MED20: variants seen among roughly 807,000 people sequenced by gnomAD.
The protein encoded by MED20 is mediator of RNA polymerase II transcription subunit 20.
In MED20, 19 loss-of-function variants were observed where a neutral mutation model predicts 19.7. The ratio of observed to expected loss-of-function variants is 0.96; its 90% CI spans 0.67 to 1.42. The LOEUF (loss-of-function observed/expected upper bound fraction) is 1.42. Among genes scored for constraint, MED20 ranks in the 40% most tolerant of loss-of-function variants. MED20 has a pLI of 0.00. For missense variants in MED20, 225 were observed against 273.0 expected (o/e 0.82, Z 1.24); for synonymous variants, 105 against 104.8 (o/e 1.00, Z -0.01).
intron 2 of MED20, among the ~76,000 whole-genome samples, chr6:41,914,508 G>C (rs1024896734): frequency 6.6e-6 from 1 of 152,200 alleles, no homozygotes; most frequent in Non-Finnish European, 1.5e-5. Flanking sequence ...GGCAAAGCCA[G>C]GACTCAGGAC....
Position 41,921,072 on chromosome 6 carries a change from G to C in MED20, c.-54C>G. 6.2e-7 allele frequency: 1 copy of C among 1,603,720 alleles called. No homozygotes were observed. The highest frequency in any genetic ancestry group is 1.7e-5 in the Admixed American group (1 of 58,408). On this transcript the variant is annotated 5_prime_UTR_variant, in exon 1 of 4. Coordinates refer to ENST00000265350, the MANE Select transcript of MED20 (RefSeq NM_004275.5). ...ACACAGTAGAAACGCAGGGTTCCCT[G>C]TCCGCCCACAGAAACTCCTTCAGTT...
intron 2 of MED20, among the ~76,000 whole-genome samples, chr6:41,910,824 T>C (rs1238238217): frequency 6.7e-6 from 1 of 149,270 alleles, no homozygotes; most frequent in Non-Finnish European, 1.5e-5. Flanking sequence ...AAGCTGACAA[T>C]CAGGCTGGGC....
intron 1 of MED20, 74 bp downstream of exon 1, chr6:41,920,931 G>C (rs912515260): frequency 1.5e-5 from 23 of 1,557,660 alleles, no homozygotes; most frequent in Non-Finnish European, 1.8e-5. Context: ...GAGGACGGCG[G>C]ACCATGGTCA....
intron 1 of MED20, chr6:41,917,881 C>CAGTGATGATG (rs1490581557): frequency 2.4e-6 from 1 of 420,548 alleles, no homozygotes; most frequent in East Asian, 7.6e-5. Flanking sequence ...TGTTAGAGAA[C>CAGTGATGATG]ATTTCCATCA....
At chr6:41,910,256 A>G (rs1232573909) in intron 2 of MED20, among the ~76,000 whole-genome samples, 1 of 152,214 alleles carries the variant, frequency 6.6e-6, no homozygotes, top group African/African-American at 2.4e-5. Flanking sequence ...TCCAGTCTCT[A>G]AAATATGAGT....
intron 2 of MED20, among the ~76,000 whole-genome samples, chr6:41,910,645 GAAAA>G (rs981891961): frequency 7.0e-6 from 1 of 142,920 alleles, no homozygotes; most frequent in Non-Finnish European, 1.6e-5. Context: ...AAAAAAAAAA[GAAAA>G]AAAAAGGTAA....
At chr6:41,918,662 A>T (rs1775378508) in intron 1 of MED20, among the ~76,000 whole-genome samples, 1 of 151,900 alleles carries the variant, frequency 6.6e-6, no homozygotes. Context: ...AAATACAAAA[A>T]AATGGCCGGG....
intron 1 of MED20, chr6:41,917,698 T>C: frequency 2.2e-6 from 1 of 461,320 alleles, no homozygotes; most frequent in South Asian, 1.6e-5. Context: ...AATTCAATAA[T>C]GCTGAGTCAT....
chr6:41,917,756 T>C (rs758910708), intron 1 of MED20: 1 of 471,084 alleles, frequency 2.1e-6, no homozygotes, highest in African/African-American at 2.0e-5. Context: ...TCTGACTACA[T>C]CAAGGGAAAA....
intron 1 of MED20, chr6:41,917,541 C>T (rs1305304133): frequency 3.3e-6 from 1 of 303,170 alleles, no homozygotes; most frequent in African/African-American, 2.2e-5. Flanking sequence ...ATTGTAAAGA[C>T]AAGGAATAGA....
chr6:41,918,585 G>A (rs1195908054), intron 1 of MED20, among the ~76,000 whole-genome samples: 5 of 151,912 alleles, frequency 3.3e-5, no homozygotes, highest in Non-Finnish European at 2.9e-5. Flanking sequence ...AGGCCAAGGC[G>A]GGCAGATCAC....
rs988324729 is a variant in MED20 at position 41,905,668 on chromosome 6, G to A, written c.*1404C>T. ...CACAATTCTCCAAGACCATCTCTGT[G>A]TATATCAAGGTTAACCTGGATGAAT... On this transcript the variant is annotated 3_prime_UTR_variant, in exon 4 of 4. Coordinates refer to ENST00000265350, the MANE Select transcript of MED20 (RefSeq NM_004275.5). 2 of 152,338 alleles carry A rather than the reference G, an allele frequency of 1.3e-5. No homozygotes were observed. The highest frequency in any genetic ancestry group is 3.9e-4 in the East Asian group (2 of 5,186). The allele number at this position is 152,338 out of a possible 1,614,324, so 9.4% of individuals were successfully genotyped here.
At chr6:41,908,688 C>T (rs1775114674) in intron 3 of MED20, among the ~76,000 whole-genome samples, 1 of 152,198 alleles carries the variant, frequency 6.6e-6, no homozygotes, top group South Asian at 2.1e-4. Context: ...CACCTGCCTT[C>T]CTTGACTATC....
At chr6:41,915,535 C>T (rs1775292375) in intron 2 of MED20, among the ~76,000 whole-genome samples, 1 of 151,922 alleles carries the variant, frequency 6.6e-6, no homozygotes, top group Non-Finnish European at 1.5e-5. Context: ...CGCCTATAAT[C>T]CCAGCACTTC....
chr6:41,916,370 G>A (rs888905382), intron 2 of MED20, among the ~76,000 whole-genome samples: 7 of 152,086 alleles, frequency 4.6e-5, no homozygotes, highest in African/African-American at 1.4e-4. Flanking sequence ...ACCTGAGGTC[G>A]GGAGTTCGAG....
At chr6:41,910,166 G>C (rs1377124787) in intron 2 of MED20, among the ~76,000 whole-genome samples, 1 of 152,150 alleles carries the variant, frequency 6.6e-6, no homozygotes, top group Non-Finnish European at 1.5e-5. Flanking sequence ...TAGCCAACTT[G>C]GGAAGCAAGC....
chr6:41,917,072 C>T, intron 1 of MED20, 133 bp from the exon 2 acceptor site: 1 of 895,290 alleles, frequency 1.1e-6, no homozygotes, highest in Non-Finnish European at 1.6e-6. Flanking sequence ...TGACCGTCTC[C>T]CAATCCCTGC....
rs1015382226 is a variant in MED20, at chr6:41,916,662, A to G, written c.169+123T>C. 10 of 1,215,392 alleles carry G rather than the reference A, an allele frequency of 8.2e-6. No homozygotes were observed. The African/African-American group carries it at 1.5e-4, about 18-fold the overall frequency. 75.3% of individuals were successfully genotyped at this position (1,215,392 alleles called of 1,614,324 possible). On this transcript the variant is annotated intron_variant, in intron 2 of 3. Coordinates refer to ENST00000265350, the MANE Select transcript of MED20 (RefSeq NM_004275.5). ...GAACCAAGAATTAATGACGTCAAAA[A>G]CACATCTCGCCACATGTTTAAGAAT...
chr6:41,916,736 C>T, intron 2 of MED20, 49 bp downstream of exon 2: 1 of 1,603,550 alleles, frequency 6.2e-7, no homozygotes, highest in Non-Finnish European at 8.5e-7. Flanking sequence ...TCAAATGTCT[C>T]TTAACTCCAA....
Sources: allele counts gnomAD v4.1 joint callset (sites outside exome capture counted in the v4.1 genomes callset), GRCh38; gene constraint gnomAD v4.1.1; transcripts MANE v1.5; gene names NCBI Gene and HGNC (gene_info 2026-07-23, HGNC 2026-07-21).